VDAC2: variants seen among roughly 807,000 people sequenced by gnomAD.
VDAC2 encodes the protein non-selective voltage-gated ion channel VDAC2.
Under a neutral mutation model 36.6 loss-of-function variants are expected in VDAC2, and 6 were observed. The ratio of observed to expected loss-of-function variants is 0.16; its 90% CI spans 0.09 to 0.32. The LOEUF (loss-of-function observed/expected upper bound fraction) is 0.32, where lower values mean the gene tolerates loss of function less well. Ranked by LOEUF, VDAC2 falls within the 10% of genes least tolerant of loss-of-function variation. The pLI, the probability that VDAC2 is intolerant of heterozygous loss-of-function variation, is 1.00. For missense variants in VDAC2, 247 were observed against 346.0 expected, an observed-to-expected ratio of 0.71 and a Z score of 2.27; for synonymous variants, 109 against 123.8, an observed-to-expected ratio of 0.88 and a Z score of 0.79.
chr10:75,212,960 C>T (rs1233243640), intron 3 of VDAC2, among the ~76,000 whole-genome samples: 1 of 152,060 alleles, frequency 6.6e-6, no homozygotes, highest in South Asian at 2.1e-4. Flanking sequence ...TGAGCTTTTT[C>T]AGGTGAATTT....
chr10:75,221,097 G>C lies in VDAC2; in HGVS notation c.584+127G>C, dbSNP rs1177783998. The C allele has an allele frequency of 3.8e-6, 4 of 1,043,536 alleles. No individual in the cohort carries two copies. The African/African-American group carries it at 6.4e-5, about 17-fold the overall frequency. The allele number at this position is 1,043,536 out of a possible 1,614,324, so 64.6% of individuals were successfully genotyped here. ...AACATTTAAAAACAAAATCATTCTTGGTCATTTCTAGGGTGCCCCTTGAAA... is the reference window on the plus strand; with the variant it reads ...AACATTTAAAAACAAAATCATTCTTCGTCATTTCTAGGGTGCCCCTTGAAA... On this transcript the variant is annotated intron_variant, in intron 7 of 9. Transcript: ENST00000332211.
chr10:75,227,801 G>T (rs1047104936), intron 8 of VDAC2, among the ~76,000 whole-genome samples: 1 of 151,672 alleles, frequency 6.6e-6, no homozygotes, highest in Non-Finnish European at 1.5e-5. Context: ...TGGCCAGGCT[G>T]GTCTTGAACT....
intron 8 of VDAC2, 136 bp downstream of exon 8, chr10:75,222,538 A>AT: frequency 7.9e-7 from 1 of 1,265,244 alleles, no homozygotes; most frequent in Non-Finnish European, 1.1e-6. Flanking sequence ...AGATTTTGAA[A>AT]TGCGCTTTTT....
chr10:75,211,383 C>A (rs1276287653), intron 2 of VDAC2, 194 bp downstream of exon 2: 1 of 1,406,398 alleles, frequency 7.1e-7, no homozygotes. Context: ...GAACAAGGCC[C>A]GGGGAGTTGG....
Position 75,210,888 on chromosome 10 carries a change from C to T in VDAC2, c.-76C>T, listed in dbSNP as rs1189675636. ...GCCCGACCGCGAGCGTGCCAAGCGG[C>T]TTCAGCAGCTAGCGGAGCGGTGGCG... On this transcript the variant is annotated 5_prime_UTR_variant, in exon 1 of 10. Transcript: ENST00000332211. The T allele has an allele frequency of 7.9e-6, 3 of 377,378 alleles. No homozygotes were observed. The highest frequency in any genetic ancestry group is 4.0e-5 in the East Asian group (1 of 24,936). 23.4% of individuals were successfully genotyped at this position (377,378 alleles called of 1,614,324 possible).
At position 75,229,684 on chromosome 10, in the gene VDAC2, C is replaced by T. The variant is rs762650152; in HGVS notation, c.776C>T (p.Thr259Ile). Residue 259 changes from threonine to isoleucine, a missense_variant, in exon 9 of 10, where the codon ACT becomes ATT. This residue lies in a region of VDAC2 where 159 missense variants were observed against 234.0 expected (regional missense o/e 0.68). Coordinates refer to ENST00000332211, the MANE Select transcript of VDAC2 (RefSeq NM_001391963.1). ...TCTAGCTTAATTGGAGTAGGCTATA[C>T]TCAGACTCTGAGGCCTGGTAAGTAT... ...NNSSLIGVGY[T>I]QTLRPGVKLT... is the part of the protein sequence containing the mutation. 1 of 1,604,354 alleles carries T rather than the reference C, an allele frequency of 6.2e-7. No homozygotes were observed. The highest frequency in any genetic ancestry group is 8.5e-7 in the Non-Finnish European group (1 of 1,177,038).
intron 9 of VDAC2, among the ~76,000 whole-genome samples, chr10:75,229,908 T>G (rs1189463979): frequency 1.3e-5 from 2 of 151,914 alleles, no homozygotes; most frequent in African/African-American, 4.8e-5. Flanking sequence ...GACACTTCTC[T>G]TCAGAATAAG....
intron 7 of VDAC2, among the ~76,000 whole-genome samples, chr10:75,221,680 C>A (rs1841818417): frequency 6.6e-6 from 1 of 152,076 alleles, no homozygotes; most frequent in South Asian, 2.1e-4. Context: ...TGCTATGTTG[C>A]CCAGGCTTGT....
Position 75,211,127 on chromosome 10 carries a change from C to T in VDAC2, c.-25-7C>T, listed in dbSNP as rs756528405. The stretch of plus-strand genomic sequence containing the variant: ...CCAGCTTACCGCACTTCTTGTCCCT[C>T]CCGCAGATTCCCCTCTTCCCGCGGC... On this transcript the variant is annotated splice_polypyrimidine_tract_variant and splice_region_variant and intron_variant, in intron 1 of 9. Coordinates refer to ENST00000332211, the MANE Select transcript of VDAC2 (RefSeq NM_001391963.1). 4 of 1,606,732 alleles carry T rather than the reference C, an allele frequency of 2.5e-6. No homozygotes were observed. The East Asian group carries it at 6.8e-5, about 27-fold the overall frequency.
chr10:75,218,214 G>A (rs1841666184), intron 4 of VDAC2: 1 of 274,922 alleles, frequency 3.6e-6, no homozygotes, highest in African/African-American at 2.3e-5. Flanking sequence ...TGAGTGCAGT[G>A]GTGGGATTAT....
Position 75,220,786 on chromosome 10 carries a change from A to G in VDAC2, c.400A>G (p.Ile134Val). ...KIKSSYKRECINLGCDVDFDF... is the reference protein window; with the variant it reads ...KIKSSYKRECVNLGCDVDFDF... ...CAAGTCTTCTTACAAGAGGGAGTGT[A>G]TAAACCTTGGTTGTGATGTTGACTT... is the stretch of plus-strand genomic sequence containing the variant. Residue 134 changes from isoleucine to valine, a missense_variant, in exon 7 of 10, where the codon ATA becomes GTA. Physicochemically the swap from Ile to Val is conservative, Grantham distance 29. Around this residue, in one of 3 missense-constraint regions of VDAC2, gnomAD observed 159 missense variants for 234.0 expected, o/e 0.68. Coordinates refer to ENST00000332211, the MANE Select transcript of VDAC2 (RefSeq NM_001391963.1). The G allele has an allele frequency of 6.2e-7, 1 of 1,613,020 alleles. No individual in the cohort carries two copies. The highest frequency in any genetic ancestry group is 8.5e-7 in the Non-Finnish European group (1 of 1,179,262).
Position 75,230,992 on chromosome 10 carries a change from C to A in VDAC2, c.*3C>A. 6.2e-7 allele frequency: 1 copy of A among 1,608,064 alleles called. No homozygotes were observed. The highest frequency in any genetic ancestry group is 1.1e-5 in the South Asian group (1 of 90,482). Reference sequence around the variant, plus strand: ...TCGCCCTGGAGTTGGAGGCTTAATCCAGCTGAAAGAAACCTTTGGGAATGG... The same window carrying A: ...TCGCCCTGGAGTTGGAGGCTTAATCAAGCTGAAAGAAACCTTTGGGAATGG... On this transcript the variant is annotated 3_prime_UTR_variant, in exon 10 of 10. Coordinates refer to ENST00000332211, the MANE Select transcript of VDAC2 (RefSeq NM_001391963.1).
chr10:75,211,083 TCCCTTTGG>T, intron 1 of VDAC2, 43 bp from the exon 2 acceptor site: 1 of 1,510,000 alleles, frequency 6.6e-7, no homozygotes, highest in Non-Finnish European at 9.0e-7. Flanking sequence ...GCCCGGGATC[TCCCTTTGG>T]CCCTTTGACC....
intron 8 of VDAC2, among the ~76,000 whole-genome samples, chr10:75,229,003 C>A (rs1384137821): frequency 1.3e-5 from 2 of 152,190 alleles, no homozygotes; most frequent in Non-Finnish European, 2.9e-5. Context: ...AGGCAGGGGC[C>A]TGGATTGGTA....
intron 4 of VDAC2, among the ~76,000 whole-genome samples, chr10:75,214,586 G>T (rs887877291): frequency 6.6e-6 from 1 of 151,998 alleles, no homozygotes; most frequent in Non-Finnish European, 1.5e-5. Flanking sequence ...GTGCAATGGT[G>T]TGATTGTGGC....
At chr10:75,215,043 A>T (rs1311062200) in intron 4 of VDAC2, among the ~76,000 whole-genome samples, 3 of 151,982 alleles carry the variant, frequency 2.0e-5, no homozygotes, top group Admixed American at 1.3e-4. Flanking sequence ...CCTCCCAAGC[A>T]TCTGGGAGTA....
chr10:75,216,335 G>A (rs547664104), intron 4 of VDAC2, among the ~76,000 whole-genome samples: 67 of 152,296 alleles, frequency 4.4e-4, no homozygotes, highest in African/African-American at 1.5e-3. Context: ...TAGATCGTTG[G>A]ATAATCAAAT....
intron 8 of VDAC2, among the ~76,000 whole-genome samples, chr10:75,225,551 A>G (rs1049142281): frequency 5.3e-5 from 8 of 152,330 alleles, no homozygotes; most frequent in Middle Eastern, 3.4e-3. Context: ...TTCCAGGAAC[A>G]TGAAGATAAT....
intron 7 of VDAC2, 63 bp from the exon 8 acceptor site, chr10:75,222,189 G>A (rs967831633): frequency 3.4e-6 from 5 of 1,484,866 alleles, no homozygotes; most frequent in Non-Finnish European, 4.6e-6. Flanking sequence ...CTACAAATCA[G>A]CCTGTGCCTT....
Sources: gnomAD v4.1 joint callset for allele counts (sites outside exome capture counted in the v4.1 genomes callset) on GRCh38, gnomAD v4.1.1 for gene constraint, gnomAD v4.1.1 regional missense constraint, MANE v1.5 for transcripts, NCBI Gene and HGNC (gene_info 2026-07-23, HGNC 2026-07-21) for gene names.